RNF180: variants seen among roughly 807,000 people sequenced by gnomAD.
The protein encoded by RNF180 is ring finger protein 180.
In RNF180, 38 loss-of-function variants were observed where a neutral mutation model predicts 59.2. The ratio of observed to expected loss-of-function variants is 0.64; its 90% confidence interval spans 0.50 to 0.84. The LOEUF is 0.84. RNF180 is among the 40% of genes least tolerant of loss of function. The probability of loss-of-function intolerance (pLI) is 0.00; values close to 1 mark genes in which losing one functional copy is unlikely to be tolerated. For missense variants in RNF180, 705 were observed against 700.9 expected, an observed-to-expected ratio of 1.01 and a Z score of -0.07; for synonymous variants, 262 against 240.3, an observed-to-expected ratio of 1.09 and a Z score of -0.84.
chr5:64,180,871 C>T (rs1353173251), intron 1 of RNF180, among the ~76,000 whole-genome samples: 2 of 152,100 alleles, frequency 1.3e-5, no homozygotes, highest in Admixed American at 6.5e-5. Flanking sequence ...AGCTACTAGG[C>T]AGAAGGGGAA....
chr5:64,217,696 C>T (rs2112137387), intron 5 of RNF180: 1 of 234,720 alleles, frequency 4.3e-6, no homozygotes, highest in East Asian at 1.0e-4. Flanking sequence ...TGTCTATAAT[C>T]CCAGCACTTT....
At chr5:64,235,136 T>C (rs898214768) in intron 5 of RNF180, among the ~76,000 whole-genome samples, 3 of 151,964 alleles carry the variant, frequency 2.0e-5, no homozygotes, top group African/African-American at 7.2e-5. Context: ...ATAAAAAAAT[T>C]AGCTGGGCAT....
Position 64,214,158 on chromosome 5 carries a change from T to G in RNF180, c.832T>G (p.Tyr278Asp). ...GCCTTTACAATCTAGTAAAAATAGC[T>G]ATTCCTTTCAGAATCCATCCAGTTT... ...GLPLQSSKNS[Y>D]SFQNPSSFDP... The change falls in exon 4 of 8, where the codon TAT (tyrosine) becomes GAT (aspartate). Residue 278 changes from tyrosine (Y) to aspartate (D), a missense_variant. By Grantham distance (160) the Tyr-to-Asp change is radical. Coordinates refer to ENST00000389100, the MANE Select transcript of RNF180 (RefSeq NM_001113561.2). 6.2e-7 allele frequency: 1 copy of G among 1,614,176 alleles called. No homozygotes were observed. The highest frequency in any genetic ancestry group is 8.5e-7 in the Non-Finnish European group (1 of 1,180,022).
intron 5 of RNF180, among the ~76,000 whole-genome samples, chr5:64,314,703 A>G (rs1230045938): frequency 6.6e-6 from 1 of 152,204 alleles, no homozygotes; most frequent in Non-Finnish European, 1.5e-5. Context: ...CTCGAGAAGA[A>G]TGCCATTGTT....
rs955096722 is a variant in RNF180 at position 64,317,847 on chromosome 5, C to G, written c.1228-7339C>G. 1.7e-3 allele frequency among the ~76,000 whole-genome samples: 253 copies of G among 152,000 alleles called. 1 individual carries two copies. The highest frequency in any genetic ancestry group is 6.0e-3 in the African/African-American group (249 of 41,462). On this transcript the variant is annotated intron_variant, in intron 5 of 7. Transcript: ENST00000389100. ...AATGCATTTAATACACCTAACTTAC[C>G]AAAAAAGTGTTGCTTAGCCTAGCCT...
intron 5 of RNF180, among the ~76,000 whole-genome samples, chr5:64,312,389 G>A (rs955185682): frequency 3.3e-5 from 5 of 152,010 alleles, no homozygotes; most frequent in African/African-American, 4.8e-5. Flanking sequence ...ATGCTGTATT[G>A]TCAGAGCCTG....
At position 64,177,526 on chromosome 5, in the gene RNF180, C is replaced by CATATATAT. The variant is rs58046669; in HGVS notation, c.-1+11606_-1+11613dup. On this transcript the variant is annotated intron_variant, in intron 1 of 7. Transcript: ENST00000389100. The stretch of plus-strand genomic sequence containing the variant: ...TTTTTTTCAAAGGCATAAATTATGC[C>CATATATAT]ATATATATATATATATATATATATA... Among the ~76,000 whole-genome samples the CATATATAT allele has an allele frequency of 9.6e-3, 1,001 of 104,782 alleles. 24 individuals carry two copies. The highest frequency in any genetic ancestry group is 0.014 in the Non-Finnish European group (695 of 49,766). 68.7% of individuals were successfully genotyped at this position (104,782 alleles called of 152,430 possible). A position where few individuals can be genotyped will look rare whatever the true frequency, so the allele number is the denominator to read the frequency against.
intron 5 of RNF180, among the ~76,000 whole-genome samples, chr5:64,233,849 T>C (rs1305657056): frequency 6.6e-6 from 1 of 152,256 alleles, no homozygotes; most frequent in Non-Finnish European, 1.5e-5. Flanking sequence ...AGGAACACTA[T>C]GCCTGGTTCT....
At chr5:64,259,627 T>G (rs1169132023) in intron 5 of RNF180, among the ~76,000 whole-genome samples, 1 of 152,114 alleles carries the variant, frequency 6.6e-6, no homozygotes, top group African/African-American at 2.4e-5. Context: ...TACTATATGC[T>G]CTTATAAAAT....
intron 1 of RNF180, among the ~76,000 whole-genome samples, chr5:64,177,561 A>G (rs1014800221): frequency 1.7e-3 from 179 of 108,410 alleles, no homozygotes; most frequent in African/African-American, 6.3e-3. Context: ...ATATATATAT[A>G]TATATGTATT....
In RNF180 at chr5:64,362,775, A is replaced by G. The variant is rs149060173; in HGVS notation, c.1580-6840A>G. Among the ~76,000 whole-genome samples, 1,124 of 151,788 alleles carry G rather than the reference A, an allele frequency of 7.4e-3. 7 individuals carry two copies. Among genetic ancestry groups the G allele is most frequent in the Middle Eastern group, 0.01 (3 of 294 alleles). ...TTTTATTTTTGTACTTTTCAATAATAGCCATTCTGACTGGTGTGAGATGGT... is the reference window on the plus strand; with the variant it reads ...TTTTATTTTTGTACTTTTCAATAATGGCCATTCTGACTGGTGTGAGATGGT... On this transcript the variant is annotated intron_variant, in intron 7 of 7. Transcript: ENST00000389100.
chr5:64,290,095 T>C (rs1742494309), intron 5 of RNF180, among the ~76,000 whole-genome samples: 2 of 152,352 alleles, frequency 1.3e-5, no homozygotes, highest in Admixed American at 1.3e-4. Context: ...TTTGTTCTCA[T>C]TAGTTTCAAA....
intron 7 of RNF180, among the ~76,000 whole-genome samples, chr5:64,349,136 C>T (rs1745676712): frequency 2.0e-5 from 3 of 152,090 alleles, no homozygotes; most frequent in Admixed American, 2.0e-4. Context: ...GAACATTTAG[C>T]ATACATAACC....
intron 5 of RNF180, among the ~76,000 whole-genome samples, chr5:64,304,082 T>G (rs1743308193): frequency 6.6e-6 from 1 of 151,608 alleles, no homozygotes; most frequent in Admixed American, 6.6e-5. Context: ...GCACATCTGC[T>G]TACAGCATGG....
At chr5:64,190,496 T>A (rs1363216879) in intron 1 of RNF180, among the ~76,000 whole-genome samples, 1 of 152,150 alleles carries the variant, frequency 6.6e-6, no homozygotes, top group Non-Finnish European at 1.5e-5. Flanking sequence ...GAGTTAAGAC[T>A]TTTGGGAGCT....
At chr5:64,245,506 C>T (rs1298434061) in intron 5 of RNF180, among the ~76,000 whole-genome samples, 1 of 151,910 alleles carries the variant, frequency 6.6e-6, no homozygotes. Context: ...CAACAGAGAT[C>T]AAAAAAGACA....
intron 5 of RNF180, among the ~76,000 whole-genome samples, chr5:64,226,574 G>A (rs1221316270): frequency 2.0e-5 from 3 of 151,842 alleles, no homozygotes; most frequent in South Asian, 2.1e-4. Flanking sequence ...CTTTGTTCAC[G>A]TGTTTATCTG....
At chr5:64,360,447 T>C (rs4314362) in intron 7 of RNF180, among the ~76,000 whole-genome samples, 151,627 of 151,668 alleles carry the variant, frequency 1, 75,793 homozygotes, top group Middle Eastern at 1. Context: ...CCACAGCCAA[T>C]ATCATACTGA....
chr5:64,330,011 A>G (rs1208619144), intron 6 of RNF180, among the ~76,000 whole-genome samples: 3 of 152,168 alleles, frequency 2.0e-5, no homozygotes, highest in Non-Finnish European at 4.4e-5. Context: ...CCTATTTATC[A>G]TTATATACTC....
Sources: allele counts gnomAD v4.1 joint callset (sites outside exome capture counted in the v4.1 genomes callset), GRCh38; gene constraint gnomAD v4.1.1; transcripts MANE v1.5; gene names NCBI Gene and HGNC (gene_info 2026-07-23, HGNC 2026-07-21).